The following ZNF831 variants were observed in gnomAD, a reference collection of about 807,000 sequenced individuals.
ZNF831 encodes the protein chromosome 20 open reading frame 174.
ZNF831 carries 59 observed loss-of-function variants against 95.8 expected under a neutral mutation model. The observed-to-expected ratio is 0.62, with a 90% CI of 0.50 to 0.77. ZNF831 has a LOEUF of 0.77. ZNF831 is among the 30% of genes least tolerant of loss of function. The pLI, the probability that ZNF831 is intolerant of heterozygous loss-of-function variation, is 0.00. For missense variants in ZNF831, 2,205 were observed against 2,164.0 expected (o/e 1.02, Z -0.38); for synonymous variants, 961 against 925.5 (o/e 1.04, Z -0.70).
intron 4 of ZNF831, among the ~76,000 whole-genome samples, chr20:59,244,770 TA>T (rs1349467074): frequency 6.6e-6 from 1 of 152,248 alleles, no homozygotes; most frequent in Non-Finnish European, 1.5e-5. Context: ...ATATGTTTTG[TA>T]TATAACTCTA....
At chr20:59,229,119 G>A (rs1179810172) in intron 4 of ZNF831, among the ~76,000 whole-genome samples, 3 of 152,168 alleles carry the variant, frequency 2.0e-5, no homozygotes, top group African/African-American at 7.2e-5. Flanking sequence ...TATCCATGTG[G>A]CTGCAAATGA....
At position 59,207,031 on chromosome 20, in the gene ZNF831, T is replaced by C. The variant is rs1438155987; in HGVS notation, c.4002T>C (p.Pro1334=). ...ALEGLKPCRT[P]GQTSSEIAGL... is the part of the protein sequence containing the mutation. ...AGGGACTGAAGCCATGCAGGACCCC[T>C]GGGCAGACCTCTTCAGAAATAGCAG... The change falls in exon 4 of 6, where the codon CCT becomes CCC. Residue 1334 remains proline, a synonymous_variant. Transcript: ENST00000371030. 3.7e-6 allele frequency: 6 copies of C among 1,614,172 alleles called. No homozygotes were observed. In the South Asian group the frequency reaches 5.5e-5, roughly 15 times the overall value.
chr20:59,150,694 C>T (rs547581619), intron 2 of ZNF831, among the ~76,000 whole-genome samples: 5 of 152,252 alleles, frequency 3.3e-5, no homozygotes, highest in African/African-American at 7.2e-5. Context: ...GCCAGTACTC[C>T]GCGCCAGCAC....
chr20:59,159,960 C>T (rs1246751145), upstream of ZNF831: 1 of 152,410 alleles, frequency 6.6e-6, no homozygotes, highest in Non-Finnish European at 1.5e-5. Context: ...CTCTGTCATT[C>T]AGCAGGTGTG....
At position 59,239,969 on chromosome 20, in the gene ZNF831, G is replaced by A. The variant is rs527960072; in HGVS notation, c.4028-13009G>A. ...CCCAGGTAGACAGCCCTGTGCTATG[G>A]TGAACTGGTTCCTCCAGCCCCCACC... On this transcript the variant is annotated intron_variant, in intron 4 of 5. Transcript: ENST00000371030. Among the ~76,000 whole-genome samples the A allele has an allele frequency of 2.6e-5, 4 of 152,334 alleles. No homozygotes were observed. The East Asian group carries it at 5.8e-4, about 22-fold the overall frequency.
chr20:59,248,802 A>G (rs1051387657), intron 4 of ZNF831, among the ~76,000 whole-genome samples: 6 of 152,224 alleles, frequency 3.9e-5, no homozygotes, highest in Non-Finnish European at 8.8e-5. Flanking sequence ...GAATGAAAAC[A>G]TATCTTGAAT....
chr20:59,172,701 C>G (rs1364656618), intron 1 of ZNF831, among the ~76,000 whole-genome samples: 1 of 152,182 alleles, frequency 6.6e-6, no homozygotes, highest in Non-Finnish European at 1.5e-5. Flanking sequence ...ACCTAGGAAG[C>G]TGTTAAAGCC....
intron 1 of ZNF831, among the ~76,000 whole-genome samples, chr20:59,183,006 C>T (rs1381902911): frequency 6.6e-6 from 1 of 152,180 alleles, no homozygotes; most frequent in Non-Finnish European, 1.5e-5. Context: ...CCTTTGGGTC[C>T]TGGCTGGCCT....
intron 1 of ZNF831, among the ~76,000 whole-genome samples, chr20:59,135,820 C>T (rs1217342504): frequency 6.6e-6 from 1 of 152,152 alleles, no homozygotes; most frequent in East Asian, 1.9e-4. Context: ...GCGGTTTTTG[C>T]CATGACTTTC....
intron 1 of ZNF831, among the ~76,000 whole-genome samples, chr20:59,165,199 G>A (rs923826430): frequency 9.2e-5 from 14 of 152,280 alleles, no homozygotes; most frequent in Middle Eastern, 6.8e-3. Flanking sequence ...TTACCCAAAA[G>A]CACCTGCCTA....
Position 59,227,791 on chromosome 20 carries a change from A to G in ZNF831, c.4027+20735A>G, listed in dbSNP as rs1252855896. ...TGTTTCTGATGGATCAGTCACTATT[A>G]TGGGCCCATTTTTTTTCTCTTTTTG... On this transcript the variant is annotated intron_variant, in intron 4 of 5. Coordinates refer to ENST00000371030, the MANE Select transcript of ZNF831 (RefSeq NM_178457.3). 2.0e-5 allele frequency among the ~76,000 whole-genome samples: 3 copies of G among 152,122 alleles called. 1 individual carries two copies. The highest frequency in any genetic ancestry group is 2.0e-4 in the Admixed American group (3 of 15,274).
chr20:59,177,193 C>T (rs938053054), intron 1 of ZNF831, among the ~76,000 whole-genome samples: 3 of 152,262 alleles, frequency 2.0e-5, no homozygotes, highest in Non-Finnish European at 4.4e-5. Context: ...GTAATCAAGA[C>T]AGGCGTCTTG....
rs1207308907 is a variant in ZNF831 at position 59,163,947 on chromosome 20, T to C, written c.-297T>C. ...TGCCCTCTTTTATTTTATTTTATTTTCTAAGGCTCAGGGAGCATCTCTCCG... is the reference window on the plus strand; with the variant it reads ...TGCCCTCTTTTATTTTATTTTATTTCCTAAGGCTCAGGGAGCATCTCTCCG... On this transcript the variant is annotated 5_prime_UTR_variant, in exon 1 of 6. Coordinates refer to ENST00000371030, the MANE Select transcript of ZNF831 (RefSeq NM_178457.3). Among the ~76,000 whole-genome samples the C allele has an allele frequency of 6.6e-6, 1 of 152,196 alleles. No individual in the cohort carries two copies. The highest frequency in any genetic ancestry group is 2.4e-5 in the African/African-American group (1 of 41,440).
intron 4 of ZNF831, among the ~76,000 whole-genome samples, chr20:59,233,355 T>C (rs1262305782): frequency 4.6e-5 from 7 of 152,208 alleles, no homozygotes; most frequent in African/African-American, 1.7e-4. Context: ...TCCCAACATT[T>C]GCCTTTGGGT....
Position 59,217,693 on chromosome 20 carries a change from GTCTGTTATCCA to G in ZNF831, c.4027+10639_4027+10649del, listed in dbSNP as rs1489519274. On this transcript the variant is annotated intron_variant, in intron 4 of 5. Transcript: ENST00000371030. The surrounding 1 kb of genome is among the most constrained non-coding windows in gnomAD (Gnocchi z 4.4). ...CAGCCCTCCTTGATTCTCACTAGGG[GTCTGTTATCCA>G]TTCTGTCCGTGGAAGGCTGGCATTC... is the stretch of plus-strand genomic sequence containing the variant. 6.6e-6 allele frequency among the ~76,000 whole-genome samples: 1 copy of G among 152,144 alleles called. No individual in the cohort carries two copies. Among genetic ancestry groups the G allele is most frequent in the African/African-American group, 2.4e-5 (1 of 41,428 alleles).
chr20:59,170,237 G>A (rs1438004490), intron 1 of ZNF831, among the ~76,000 whole-genome samples: 1 of 152,144 alleles, frequency 6.6e-6, no homozygotes, highest in Non-Finnish European at 1.5e-5. Flanking sequence ...TCATCACACT[G>A]TGGGAAATGC....
At chr20:59,187,913 G>T (rs948350287) in intron 1 of ZNF831, among the ~76,000 whole-genome samples, 1 of 152,202 alleles carries the variant, frequency 6.6e-6, no homozygotes, top group East Asian at 1.9e-4. Context: ...GATATTTTGT[G>T]TCTGGCTTCT....
At chr20:59,142,858 C>G (rs972093455) in intron 1 of ZNF831, among the ~76,000 whole-genome samples, 2 of 152,172 alleles carry the variant, frequency 1.3e-5, no homozygotes, top group African/African-American at 4.8e-5. Flanking sequence ...TTTTTAACCT[C>G]AACTGACTAT....
intron 4 of ZNF831, among the ~76,000 whole-genome samples, chr20:59,218,069 C>T (rs563347451): frequency 6.6e-6 from 1 of 152,216 alleles, no homozygotes; most frequent in Non-Finnish European, 1.5e-5. Context: ...CAGAGAAGCC[C>T]TGGCCTCCCA....
Sources: gnomAD v4.1 joint callset for allele counts (sites outside exome capture counted in the v4.1 genomes callset) on GRCh38, gnomAD v4.1.1 for gene constraint, Gnocchi (gnomAD v3.1) non-coding constraint, MANE v1.5 for transcripts, NCBI Gene and HGNC (gene_info 2026-07-23, HGNC 2026-07-21) for gene names.